The following MED12L variants were observed in gnomAD, a reference collection of about 807,000 sequenced individuals.
The protein encoded by MED12L is mediator complex subunit 12L, also known as mediator of RNA polymerase II transcription subunit 12-like protein.
A neutral mutation model predicts 281.3 loss-of-function variants in MED12L; 60 were observed. The observed-to-expected ratio is 0.21, with a 90% CI of 0.17 to 0.26. MED12L has a LOEUF of 0.26. Among genes scored for constraint, MED12L ranks in the 10% least tolerant of loss-of-function variants. The probability of loss-of-function intolerance (pLI) is 1.00; values close to 1 mark genes in which losing one functional copy is unlikely to be tolerated. For missense variants in MED12L, 2,146 were observed against 2,680.9 expected (o/e 0.80, Z 4.41); for synonymous variants, 974 against 987.2 (o/e 0.99, Z 0.25).
intron 3 of MED12L, among the ~76,000 whole-genome samples, chr3:151,121,310 A>T (rs1474338343): frequency 6.6e-6 from 1 of 152,168 alleles, no homozygotes; most frequent in South Asian, 2.1e-4. Flanking sequence ...TGTTTGTATA[A>T]AAAAAAGACG....
intron 16 of MED12L, chr3:151,328,768 A>G (rs753351579): frequency 6.2e-7 from 1 of 1,613,862 alleles, no homozygotes; most frequent in Non-Finnish European, 8.5e-7. Context: ...TTTTGAAAGG[A>G]AGCATGAGTG....
intron 16 of MED12L, among the ~76,000 whole-genome samples, chr3:151,306,921 A>G (rs1053693310): frequency 3.9e-5 from 6 of 151,976 alleles, no homozygotes; most frequent in African/African-American, 1.5e-4. Flanking sequence ...TCTGTCCTCC[A>G]CTCTCCAGTT....
intron 16 of MED12L, among the ~76,000 whole-genome samples, chr3:151,250,663 C>A (rs760381932): frequency 6.6e-6 from 1 of 152,126 alleles, no homozygotes; most frequent in African/African-American, 2.4e-5. Context: ...TTTGTTTATT[C>A]ATCTGTCCAT....
chr3:151,411,938 G>A (rs140518915), intron 41 of MED12L, among the ~76,000 whole-genome samples: 207 of 152,312 alleles, frequency 1.4e-3, no homozygotes, highest in African/African-American at 4.5e-3. Context: ...GCACATGAGA[G>A]TTTTGTTATA....
chr3:151,317,553 T>G (rs1748446481), intron 16 of MED12L, among the ~76,000 whole-genome samples: 1 of 146,472 alleles, frequency 6.8e-6, no homozygotes, highest in Non-Finnish European at 1.5e-5. Flanking sequence ...CGGATTCAAG[T>G]GATTCTCCTG....
chr3:151,300,704 A>T (rs1560001492), intron 16 of MED12L, among the ~76,000 whole-genome samples: 1 of 152,180 alleles, frequency 6.6e-6, no homozygotes, highest in African/African-American at 2.4e-5. Flanking sequence ...CCCATCACTG[A>T]TGTTGCTTAA....
chr3:151,285,487 C>T (rs1298786753), intron 16 of MED12L, among the ~76,000 whole-genome samples: 5 of 145,126 alleles, frequency 3.4e-5, no homozygotes, highest in Non-Finnish European at 7.5e-5. Context: ...GACTCTGTCT[C>T]AAAGAAAAAA....
At chr3:151,397,799 G>GAGAA (rs1715176354) in intron 39 of MED12L, among the ~76,000 whole-genome samples, 1 of 152,146 alleles carries the variant, frequency 6.6e-6, no homozygotes, top group South Asian at 2.1e-4. Flanking sequence ...GCTTCTTGTA[G>GAGAA]AGAAAAGTAA....
At chr3:151,406,522 A>T (rs1003710002) in intron 39 of MED12L, among the ~76,000 whole-genome samples, 1 of 152,110 alleles carries the variant, frequency 6.6e-6, no homozygotes, top group African/African-American at 2.4e-5. Flanking sequence ...TCTCAGGGAG[A>T]ATATTGCATA....
intron 16 of MED12L, among the ~76,000 whole-genome samples, chr3:151,262,965 C>G (rs779679407): frequency 1.3e-5 from 2 of 152,048 alleles, no homozygotes; most frequent in Non-Finnish European, 2.9e-5. Flanking sequence ...CAGGGGAAGC[C>G]GTAGTTCTCT....
At chr3:151,251,519 T>A (rs1272828352) in intron 16 of MED12L, among the ~76,000 whole-genome samples, 1 of 152,134 alleles carries the variant, frequency 6.6e-6, no homozygotes, top group East Asian at 1.9e-4. Context: ...GAGGAATCCC[T>A]CTAAAATACA....
At position 151,338,034 on chromosome 3, in the gene MED12L, G is replaced by A. The variant is rs1560045486; in HGVS notation, c.2251-12025G>A. The A allele has an allele frequency of 4.3e-6, 7 of 1,613,990 alleles. 1 individual carries two copies. The South Asian group carries it at 7.7e-5, about 18-fold the overall frequency. On this transcript the variant is annotated intron_variant, in intron 16 of 44. Transcript: ENST00000687756. ...CACATAGAACAGAGTATTTTCAGCA[G>A]TGCAGTCAAAGACATCCCGGGTTTG...
intron 11 of MED12L, among the ~76,000 whole-genome samples, chr3:151,168,376 G>A (rs1359524971): frequency 6.6e-6 from 1 of 152,206 alleles, no homozygotes; most frequent in Non-Finnish European, 1.5e-5. Flanking sequence ...AACTCTTTGA[G>A]CTGAGAGGGT....
At chr3:151,423,448 A>G (rs1476998142) in intron 43 of MED12L, among the ~76,000 whole-genome samples, 2 of 152,214 alleles carry the variant, frequency 1.3e-5, no homozygotes, top group Admixed American at 1.3e-4. Flanking sequence ...AAAGAGCAAG[A>G]AAGACTAAGA....
chr3:151,348,809 G>A (rs919190657), intron 16 of MED12L, among the ~76,000 whole-genome samples: 2 of 152,184 alleles, frequency 1.3e-5, no homozygotes, highest in African/African-American at 4.8e-5. Context: ...TTAGTTTAAC[G>A]CTACAGAAGC....
intron 16 of MED12L, among the ~76,000 whole-genome samples, chr3:151,238,109 TAAA>T (rs1363933781): frequency 6.6e-6 from 1 of 152,028 alleles, no homozygotes; most frequent in Non-Finnish European, 1.5e-5. Context: ...TTTTCTGTCC[TAAA>T]GTTTAGAACA....
chr3:151,144,567 C>T (rs1717512835), intron 5 of MED12L, among the ~76,000 whole-genome samples: 1 of 152,192 alleles, frequency 6.6e-6, no homozygotes, highest in African/African-American at 2.4e-5. Context: ...ACGCTGGTCT[C>T]TTTTCTTCTG....
intron 5 of MED12L, among the ~76,000 whole-genome samples, chr3:151,144,291 CAGTT>C (rs1314267274): frequency 1.3e-5 from 2 of 152,114 alleles, no homozygotes; most frequent in Admixed American, 1.3e-4. Context: ...CTAAATGCGA[CAGTT>C]AGCATGTTTA....
intron 5 of MED12L, among the ~76,000 whole-genome samples, chr3:151,137,055 A>C (rs199637918): frequency 1.3e-5 from 2 of 151,390 alleles, no homozygotes. Flanking sequence ...CCAGCTACTC[A>C]GGAGGCTGAG....
Sources: gnomAD v4.1 joint callset for allele counts (sites outside exome capture counted in the v4.1 genomes callset) on GRCh38, gnomAD v4.1.1 for gene constraint, MANE v1.5 for transcripts, NCBI Gene and HGNC (gene_info 2026-07-23, HGNC 2026-07-21) for gene names.